ITGB5: variants seen among roughly 807,000 people sequenced by gnomAD.
ITGB5 encodes integrin subunit beta 5, also known as integrin beta-5.
A neutral mutation model predicts 84.8 loss-of-function variants in ITGB5; 38 were observed. That is an observed-to-expected ratio of 0.45 (90% confidence interval 0.35 to 0.59). The LOEUF (loss-of-function observed/expected upper bound fraction) is 0.59, where lower values mean the gene tolerates loss of function less well. ITGB5 is among the 20% of genes least tolerant of loss of function. The pLI is 0.01. For synonymous variants in ITGB5, 393 were observed against 414.4 expected (o/e 0.95, Z 0.63); for missense variants, 905 against 1,034.5 (o/e 0.87, Z 1.72).
At chr3:124,779,207 C>T (rs1309332088) in intron 10 of ITGB5, among the ~76,000 whole-genome samples, 1 of 151,602 alleles carries the variant, frequency 6.6e-6, no homozygotes, top group Non-Finnish European at 1.5e-5. Context: ...GCACCCAGAA[C>T]AGCAGAACTC....
chr3:124,807,493 C>T (rs983166403), intron 9 of ITGB5, among the ~76,000 whole-genome samples: 3 of 152,180 alleles, frequency 2.0e-5, no homozygotes, highest in African/African-American at 4.8e-5. Context: ...TTCTTTCAAT[C>T]TTGTTAAAAG....
At chr3:124,821,274 G>C (rs886125338) in intron 6 of ITGB5, 39 bp downstream of exon 6, 6 of 1,584,978 alleles carry the variant, frequency 3.8e-6, no homozygotes, top group Admixed American at 3.6e-5. Context: ...GGTCACAAGA[G>C]AGGCAACAGG....
intron 9 of ITGB5, among the ~76,000 whole-genome samples, chr3:124,798,417 T>C (rs2064266200): frequency 6.6e-6 from 1 of 151,736 alleles, no homozygotes; most frequent in Non-Finnish European, 1.5e-5. Flanking sequence ...GTAACAATGT[T>C]TTTGTTGTTG....
At chr3:124,779,306 A>G (rs150207296) in intron 10 of ITGB5, among the ~76,000 whole-genome samples, 135 of 152,196 alleles carry the variant, frequency 8.9e-4, no homozygotes, top group Middle Eastern at 3.4e-3. Flanking sequence ...AAGTGGAGGG[A>G]TGAGACAATC....
At chr3:124,843,710 C>T (rs1033981734) in intron 4 of ITGB5, among the ~76,000 whole-genome samples, 1 of 152,144 alleles carries the variant, frequency 6.6e-6, no homozygotes, top group Non-Finnish European at 1.5e-5. Context: ...GACTTAACCC[C>T]AGAGCAGCTG....
chr3:124,817,542 T>G (rs1049042893), intron 8 of ITGB5, 79 bp downstream of exon 8: 29 of 735,124 alleles, frequency 3.9e-5, no homozygotes, highest in Non-Finnish European at 6.2e-5. Flanking sequence ...ACTGCCCACC[T>G]GAGCCCGCGG....
At chr3:124,898,012 C>T (rs182060387) in intron 1 of ITGB5, among the ~76,000 whole-genome samples, 1 of 152,168 alleles carries the variant, frequency 6.6e-6, no homozygotes, top group African/African-American at 2.4e-5. Context: ...TTGCAAAATC[C>T]TCTATATTCT....
At chr3:124,807,555 A>G (rs2064425269) in intron 9 of ITGB5, among the ~76,000 whole-genome samples, 1 of 152,236 alleles carries the variant, frequency 6.6e-6, no homozygotes, top group Non-Finnish European at 1.5e-5. Context: ...GTAGCCAGTC[A>G]TAAGAGGCTT....
intron 7 of ITGB5, among the ~76,000 whole-genome samples, chr3:124,818,519 T>C (rs1286847828): frequency 8.4e-6 from 1 of 119,418 alleles, no homozygotes; most frequent in Non-Finnish European, 1.8e-5. Flanking sequence ...TTTTTTTTTT[T>C]TTTTTTTTTT....
intron 10 of ITGB5, among the ~76,000 whole-genome samples, chr3:124,793,411 T>A (rs1333634003): frequency 6.6e-6 from 1 of 152,222 alleles, no homozygotes; most frequent in African/African-American, 2.4e-5. Flanking sequence ...TTATTATGGC[T>A]ACTAAGAGGA....
chr3:124,839,049 GAAAT>G (rs1675299878), intron 5 of ITGB5, among the ~76,000 whole-genome samples: 2 of 152,200 alleles, frequency 1.3e-5, no homozygotes, highest in Admixed American at 6.5e-5. Context: ...TGTCAAGTGA[GAAAT>G]AAATTGCTTA....
chr3:124,768,941 C>T, intron 12 of ITGB5, 72 bp downstream of exon 12: 1 of 1,246,574 alleles, frequency 8.0e-7, no homozygotes, highest in South Asian at 1.3e-5. Flanking sequence ...CCTCCTGACT[C>T]AAGGCTAAAA....
chr3:124,807,335 G>A (rs552071171), intron 9 of ITGB5, among the ~76,000 whole-genome samples: 8 of 152,332 alleles, frequency 5.3e-5, no homozygotes, highest in African/African-American at 1.7e-4. Flanking sequence ...AGAATCGTTC[G>A]AACCTGGGAA....
At chr3:124,859,538 C>A in intron 2 of ITGB5, 92 bp from the exon 3 acceptor site, 1 of 888,672 alleles carries the variant, frequency 1.1e-6, no homozygotes, top group Non-Finnish European at 1.8e-6. Flanking sequence ...TCTGGTTGAC[C>A]TTAAATTCTC....
In ITGB5 at chr3:124,859,364, T is replaced by G; in HGVS notation, c.239A>C (p.Glu80Ala). ...GACATGGAAGCTGCTGGCTGGGCTCTCTATCTCACCTCCACAGCCATTTTT... is the reference window on the plus strand; with the variant it reads ...GACATGGAAGCTGCTGGCTGGGCTCGCTATCTCACCTCCACAGCCATTTTT... ...LVKNGCGGEI[E>A]SPASSFHVLR... is the part of the protein sequence containing the mutation. Residue 80 changes from glutamate (E) to alanine (A), a missense_variant, in exon 3 of 15, where the codon GAG becomes GCG. Around this residue, in one of 3 missense-constraint regions of ITGB5, gnomAD observed 656 missense variants for 734.7 expected, o/e 0.89. Coordinates refer to ENST00000296181, the MANE Select transcript of ITGB5 (RefSeq NM_002213.5). 6.2e-7 allele frequency: 1 copy of G among 1,614,156 alleles called. No individual in the cohort carries two copies. The highest frequency in any genetic ancestry group is 8.5e-7 in the Non-Finnish European group (1 of 1,180,030).
intron 8 of ITGB5, among the ~76,000 whole-genome samples, chr3:124,811,746 A>G (rs371856066): frequency 1.3e-5 from 2 of 152,202 alleles, no homozygotes; most frequent in African/African-American, 2.4e-5. Context: ...CTCTGGAATC[A>G]GAAACTCTTA....
chr3:124,872,948 T>C (rs944312297), intron 2 of ITGB5, among the ~76,000 whole-genome samples: 3 of 152,184 alleles, frequency 2.0e-5, no homozygotes, highest in Non-Finnish European at 4.4e-5. Flanking sequence ...GTCCCAAACC[T>C]ATATCTCTTT....
chr3:124,779,826 T>C (rs1485110529), intron 10 of ITGB5, among the ~76,000 whole-genome samples: 1 of 152,100 alleles, frequency 6.6e-6, no homozygotes, highest in East Asian at 1.9e-4. Context: ...TGGGGGGAGC[T>C]TGGCACAGGT....
chr3:124,877,750 C>T (rs1934390577), intron 1 of ITGB5, among the ~76,000 whole-genome samples: 1 of 152,160 alleles, frequency 6.6e-6, no homozygotes, highest in African/African-American at 2.4e-5. Context: ...CTGGTGTGAC[C>T]TGCTGAGCTC....
Sources: gnomAD v4.1 joint callset for allele counts (sites outside exome capture counted in the v4.1 genomes callset) on GRCh38, gnomAD v4.1.1 for gene constraint, gnomAD v4.1.1 regional missense constraint, MANE v1.5 for transcripts, NCBI Gene and HGNC (gene_info 2026-07-23, HGNC 2026-07-21) for gene names.